The following RBFOX1 variants were observed in gnomAD, a reference collection of about 807,000 sequenced individuals.
RBFOX1 encodes RNA binding fox-1 homolog 1.
RBFOX1 carries 8 observed loss-of-function variants against 57.7 expected under a neutral mutation model. The ratio of observed to expected loss-of-function variants is 0.14; its 90% CI spans 0.08 to 0.25. The LOEUF (loss-of-function observed/expected upper bound fraction) is 0.25, where lower values mean the gene tolerates loss of function less well. Among genes scored for constraint, RBFOX1 ranks in the 10% least tolerant of loss-of-function variants. The pLI is 1.00. For missense variants in RBFOX1, 611 were observed against 548.5 expected, an observed-to-expected ratio of 1.11 and a Z score of -1.14; for synonymous variants, 326 against 222.4, an observed-to-expected ratio of 1.47 and a Z score of -4.15.
chr16:5,995,008 G>A (rs1038894713), intron 4 of RBFOX1, among the ~76,000 whole-genome samples: 3 of 152,194 alleles, frequency 2.0e-5, no homozygotes, highest in African/African-American at 7.2e-5. Context: ...CAGGAGGAAA[G>A]GTTGGGAGAT....
intron 4 of RBFOX1, among the ~76,000 whole-genome samples, chr16:7,379,768 TCCTGCCTTCCGTCCTGCCTG>T (rs1391791529): frequency 6.6e-6 from 1 of 150,570 alleles, no homozygotes; most frequent in Non-Finnish European, 1.5e-5. Flanking sequence ...CTGCCTGCCT[TCCTGCCTTCCGTCCTGCCTG>T]CCTGCCTCCC....
At chr16:6,072,809 T>C (rs1484222746) in intron 1 of RBFOX1, among the ~76,000 whole-genome samples, 1 of 152,122 alleles carries the variant, frequency 6.6e-6, no homozygotes, top group Non-Finnish European at 1.5e-5. Flanking sequence ...TAAATGTTCT[T>C]AAACACCCTC....
intron 2 of RBFOX1, among the ~76,000 whole-genome samples, chr16:6,410,469 G>A (rs897603674): frequency 2.6e-5 from 4 of 151,678 alleles, no homozygotes; most frequent in African/African-American, 9.7e-5. Context: ...CTGCCACAAT[G>A]CACGGCTAAT....
At chr16:5,261,921 T>C (rs2062744658) in intron 1 of RBFOX1, among the ~76,000 whole-genome samples, 1 of 152,204 alleles carries the variant, frequency 6.6e-6, no homozygotes, top group Non-Finnish European at 1.5e-5. Context: ...TCCCAGTAGT[T>C]TCTTCATGAA....
intron 10 of RBFOX1, among the ~76,000 whole-genome samples, chr16:7,629,570 A>G (rs1041103111): frequency 2.0e-5 from 3 of 151,676 alleles, no homozygotes; most frequent in African/African-American, 7.3e-5. Flanking sequence ...TGGCCTTAAA[A>G]CTCCTCAGAA....
intron 1 of RBFOX1, among the ~76,000 whole-genome samples, chr16:6,143,907 C>T (rs749175249): frequency 4.4e-4 from 66 of 151,628 alleles, no homozygotes; most frequent in Non-Finnish European, 8.5e-4. Flanking sequence ...GCGATCTTCC[C>T]ACATCAGTGT....
Position 7,501,894 on chromosome 16 carries a change from C to T in RBFOX1, c.28-16253C>T, listed in dbSNP as rs190378085. Among the ~76,000 whole-genome samples the T allele has an allele frequency of 5.8e-4, 89 of 152,284 alleles. 1 individual carries two copies. Among genetic ancestry groups the T allele is most frequent in the South Asian group, 2.1e-4 (1 of 4,832 alleles). On this transcript the variant is annotated intron_variant, in intron 4 of 15. Transcript: ENST00000550418. ...GCCTGTAGCTATAGAGGTACCTGGG[C>T]TATGTCTACCTTATTCACCACTGTA... is the stretch of plus-strand genomic sequence containing the variant.
intron 2 of RBFOX1, among the ~76,000 whole-genome samples, chr16:5,577,542 C>T (rs1341076439): frequency 6.6e-6 from 1 of 152,190 alleles, no homozygotes; most frequent in African/African-American, 2.4e-5. Context: ...TAGTCCCCAG[C>T]ACGGGGCCTT....
intron 3 of RBFOX1, among the ~76,000 whole-genome samples, chr16:5,719,525 C>G (rs7199215): frequency 0.56 from 84,618 of 151,708 alleles, 26,616 homozygotes; most frequent in Non-Finnish European, 0.72. Context: ...TTATTATTAA[C>G]CAAAATAAGC....
chr16:5,825,224 A>G (rs2055993902), intron 3 of RBFOX1, among the ~76,000 whole-genome samples: 1 of 152,236 alleles, frequency 6.6e-6, no homozygotes, highest in Non-Finnish European at 1.5e-5. Context: ...TTCAGAATGC[A>G]ATATAGTGAT....
chr16:5,374,942 T>G (rs535846612), intron 1 of RBFOX1, among the ~76,000 whole-genome samples: 1 of 152,096 alleles, frequency 6.6e-6, no homozygotes, highest in East Asian at 1.9e-4. Context: ...CTATCCAGCC[T>G]TCTAAAGAAA....
intron 1 of RBFOX1, among the ~76,000 whole-genome samples, chr16:6,187,252 G>T (rs1486390554): frequency 6.6e-5 from 10 of 152,148 alleles, no homozygotes; most frequent in Admixed American, 5.9e-4. Flanking sequence ...TTCTAGGGAA[G>T]TGAGTTGGGA....
At chr16:5,531,041 C>A (rs1043228725) in intron 2 of RBFOX1, among the ~76,000 whole-genome samples, 3 of 148,654 alleles carry the variant, frequency 2.0e-5, no homozygotes, top group Admixed American at 6.8e-5. Flanking sequence ...AGGAGAATGG[C>A]GTGAGCCAGG....
intron 3 of RBFOX1, among the ~76,000 whole-genome samples, chr16:5,694,276 C>G (rs1269778176): frequency 6.6e-6 from 1 of 152,222 alleles, no homozygotes; most frequent in East Asian, 1.9e-4. Flanking sequence ...GATCCTTCAT[C>G]TTGACACACT....
At chr16:6,284,453 G>A (rs1399085335) in intron 1 of RBFOX1, among the ~76,000 whole-genome samples, 1 of 152,178 alleles carries the variant, frequency 6.6e-6, no homozygotes, top group Non-Finnish European at 1.5e-5. Flanking sequence ...TTCACAACCA[G>A]TGTTGAGGAC....
chr16:6,816,816 C>G (rs1039251600), intron 3 of RBFOX1, among the ~76,000 whole-genome samples: 1 of 151,952 alleles, frequency 6.6e-6, no homozygotes, highest in African/African-American at 2.4e-5. Context: ...GCAATCATAT[C>G]TCACTGCAGT....
intron 4 of RBFOX1, among the ~76,000 whole-genome samples, chr16:5,998,603 A>C (rs893030289): frequency 2.0e-5 from 3 of 152,198 alleles, no homozygotes; most frequent in Non-Finnish European, 4.4e-5. Context: ...CACTGAAGCA[A>C]GGTTGTGTGA....
intron 4 of RBFOX1, among the ~76,000 whole-genome samples, chr16:7,342,939 G>T (rs1375797632): frequency 6.6e-6 from 1 of 152,122 alleles, no homozygotes; most frequent in Non-Finnish European, 1.5e-5. Context: ...AAGGAGAGTT[G>T]ATCAGTTTCA....
chr16:5,573,210 C>A (rs760259052), intron 2 of RBFOX1, among the ~76,000 whole-genome samples: 2 of 152,172 alleles, frequency 1.3e-5, no homozygotes, highest in Non-Finnish European at 2.9e-5. Context: ...TGACTCCAGG[C>A]ATCAGGTGTG....
Sources: gnomAD v4.1 joint callset for allele counts (sites outside exome capture counted in the v4.1 genomes callset) on GRCh38, gnomAD v4.1.1 for gene constraint, MANE v1.5 for transcripts, NCBI Gene and HGNC (gene_info 2026-07-23, HGNC 2026-07-21) for gene names.